The following ACSL4 variants were observed in gnomAD, a reference collection of about 807,000 sequenced individuals.
ACSL4 encodes acyl-CoA synthetase long chain family member 4.
Under a neutral mutation model 49.1 loss-of-function variants are expected in ACSL4, and 9 were observed. That is an observed-to-expected ratio of 0.18 (90% confidence interval 0.11 to 0.32). ACSL4 has a LOEUF of 0.32. Among genes scored for constraint, ACSL4 ranks in the 10% least tolerant of loss-of-function variants. The pLI is 1.00. For synonymous variants in ACSL4, 191 were observed against 170.3 expected (o/e 1.12, Z -0.95); for missense variants, 333 against 493.7 (o/e 0.67, Z 3.08).
chrX:109,670,520 G>C (rs1250630487), intron 9 of ACSL4, among the ~76,000 whole-genome samples: 1 of 106,950 alleles, frequency 9.4e-6, no homozygotes, highest in Non-Finnish European at 1.9e-5. Flanking sequence ...GGGAGGTGGA[G>C]GTTGCAGTGA....
chrX:109,652,860 AT>A (rs1921264409), intron 15 of ACSL4, among the ~76,000 whole-genome samples: 2 of 111,547 alleles, frequency 1.8e-5, no homozygotes, highest in African/African-American at 6.5e-5. Context: ...TTTTATAGGT[AT>A]AAAATAAATA....
At chrX:109,723,236 G>C (rs1927700425) in intron 1 of ACSL4, among the ~76,000 whole-genome samples, 2 of 111,085 alleles carry the variant, frequency 1.8e-5, no homozygotes, top group African/African-American at 6.5e-5. Context: ...AATAGTAATT[G>C]TATTTTGCTA....
intron 1 of ACSL4, among the ~76,000 whole-genome samples, chrX:109,706,312 A>G (rs1463273172): frequency 1.8e-5 from 2 of 112,334 alleles, no homozygotes; most frequent in Non-Finnish European, 1.9e-5. Context: ...TAAAGTTAGG[A>G]AATTCTTTCT....
chrX:109,679,767 T>C (rs1924025736), intron 6 of ACSL4, among the ~76,000 whole-genome samples: 1 of 112,312 alleles, frequency 8.9e-6, no homozygotes, highest in Non-Finnish European at 1.9e-5. Flanking sequence ...ATGTGGCCTA[T>C]TACATTATTG....
At chrX:109,647,771 C>T (rs1056122019) in intron 15 of ACSL4, among the ~76,000 whole-genome samples, 20 of 110,138 alleles carry the variant, frequency 1.8e-4, no homozygotes, top group African/African-American at 5.0e-4. Flanking sequence ...ATTGATAGAC[C>T]GCTAGCAAGA....
intron 2 of ACSL4, among the ~76,000 whole-genome samples, chrX:109,694,596 C>T (rs1167331303): frequency 1.8e-5 from 2 of 112,047 alleles, no homozygotes; most frequent in Admixed American, 9.5e-5. Context: ...CATTTACTAT[C>T]ACCATAATTT....
chrX:109,650,653 A>G (rs1603399698), intron 15 of ACSL4, among the ~76,000 whole-genome samples: 1 of 111,409 alleles, frequency 9.0e-6, no homozygotes, highest in African/African-American at 3.3e-5. Flanking sequence ...CATTGTGCAC[A>G]TGTACCCTAA....
intron 15 of ACSL4, among the ~76,000 whole-genome samples, chrX:109,655,604 C>A (rs1395523640): frequency 1.8e-5 from 2 of 110,920 alleles, no homozygotes; most frequent in East Asian, 5.6e-4. Context: ...AACAAATGAA[C>A]AAACAAAAGA....
chrX:109,723,800 T>C (rs1007213315), intron 1 of ACSL4, among the ~76,000 whole-genome samples: 3 of 112,625 alleles, frequency 2.7e-5, no homozygotes, highest in Non-Finnish European at 5.6e-5. Flanking sequence ...GATTTTGGTA[T>C]TCTTCAGCAA....
chrX:109,645,015 G>T (rs1934596742), intron 15 of ACSL4, among the ~76,000 whole-genome samples: 1 of 112,987 alleles, frequency 8.9e-6, no homozygotes, highest in African/African-American at 3.2e-5. Flanking sequence ...TGGCTCGGAG[G>T]GTCCTACGCC....
chrX:109,708,441 G>A (rs1926518234), intron 1 of ACSL4, among the ~76,000 whole-genome samples: 1 of 112,191 alleles, frequency 8.9e-6, no homozygotes, highest in Non-Finnish European at 1.9e-5. Flanking sequence ...AAGTGGCAAA[G>A]TAATACTGTA....
chrX:109,667,994 T>C lies in ACSL4; in HGVS notation c.1315+107A>G. The C allele has an allele frequency of 5.5e-6, 3 of 549,017 alleles. No homozygotes were observed. In the East Asian group the frequency reaches 1.0e-4, roughly 19 times the overall value. The allele number at this position is 549,017 out of a possible 1,213,427, so 45.2% of individuals were successfully genotyped here. ...CTACACTGATTTGCAATGAATCTGA[T>C]ATTAGTTAAGAGGTATTTTAAAGTT... On this transcript the variant is annotated intron_variant, in intron 11 of 15. Transcript: ENST00000672401.
At chrX:109,661,768 G>T in intron 13 of ACSL4, 123 bp from the exon 14 acceptor site, 1 of 529,437 alleles carries the variant, frequency 1.9e-6, no homozygotes, top group Non-Finnish European at 3.3e-6. Context: ...ATTATTATTA[G>T]GTTGGTGCAA....
At position 109,707,704 on chromosome X, in the gene ACSL4, A is replaced by G. The variant is rs1028135035; in HGVS notation, c.-65-11508T>C. ...TCATCATGGTGGTATGGATAACAGA[A>G]AAAAAAAATAGGAACAACTTCAAAT... On this transcript the variant is annotated intron_variant, in intron 1 of 15. Coordinates refer to ENST00000672401, the MANE Select transcript of ACSL4 (RefSeq NM_001318510.2). Among the ~76,000 whole-genome samples the G allele has an allele frequency of 3.6e-5, 4 of 110,590 alleles. No individual in the cohort carries two copies. The South Asian group carries it at 1.1e-3, about 31-fold the overall frequency.
intron 1 of ACSL4, among the ~76,000 whole-genome samples, chrX:109,727,527 A>G (rs1307207716): frequency 2.7e-5 from 3 of 111,960 alleles, no homozygotes; most frequent in Non-Finnish European, 5.6e-5. Flanking sequence ...CTCTCTATGC[A>G]TTCCTTATTG....
chrX:109,689,633 G>A (rs906776017), intron 2 of ACSL4, among the ~76,000 whole-genome samples: 2 of 111,822 alleles, frequency 1.8e-5, no homozygotes, highest in African/African-American at 3.3e-5. Context: ...AGACATCTAC[G>A]TAGCTTATTC....
At chrX:109,693,483 G>A (rs1031919382) in intron 2 of ACSL4, among the ~76,000 whole-genome samples, 6 of 111,895 alleles carry the variant, frequency 5.4e-5, no homozygotes, top group African/African-American at 2.0e-4. Context: ...TTCATTTTGA[G>A]TATGTCTGAC....
intron 6 of ACSL4, 37 bp from the exon 7 acceptor site, chrX:109,678,452 G>A: frequency 1.7e-6 from 2 of 1,189,518 alleles, no homozygotes; most frequent in Non-Finnish European, 2.3e-6. Context: ...ATTTACTTCA[G>A]TTCAAAAGTT....
intron 1 of ACSL4, among the ~76,000 whole-genome samples, chrX:109,716,923 T>A (rs951540255): frequency 3.6e-5 from 4 of 112,550 alleles, no homozygotes; most frequent in African/African-American, 1.3e-4. Flanking sequence ...TAGCTTCTGT[T>A]GCATCTGCAA....
Sources: allele counts gnomAD v4.1 joint callset (sites outside exome capture counted in the v4.1 genomes callset), GRCh38; gene constraint gnomAD v4.1.1; transcripts MANE v1.5; gene names NCBI Gene and HGNC (gene_info 2026-07-23, HGNC 2026-07-21).